The following LRRC37A variants were observed in gnomAD, a reference collection of about 807,000 sequenced individuals.
The protein encoded by LRRC37A is leucine-rich repeat-containing protein 37A.
In LRRC37A, 3 loss-of-function variants were observed where a neutral mutation model predicts 35.4. The ratio of observed to expected loss-of-function variants is 0.08; its 90% CI spans 0.04 to 0.22. The LOEUF (loss-of-function observed/expected upper bound fraction) is 0.22, where lower values mean the gene tolerates loss of function less well. Among genes scored for constraint, LRRC37A ranks in the 10% least tolerant of loss-of-function variants. The pLI, the probability that LRRC37A is intolerant of heterozygous loss-of-function variation, is 1.00. For synonymous variants in LRRC37A, 23 were observed against 215.0 expected, an observed-to-expected ratio of 0.11 and a Z score of 7.81; for missense variants, 67 against 565.3, an observed-to-expected ratio of 0.12 and a Z score of 8.94.
the LRRC37A span, among the ~76,000 whole-genome samples, chr17:46,273,597 A>ACT: frequency 1.3e-5 from 2 of 152,260 alleles, no homozygotes; most frequent in Non-Finnish European, 2.9e-5. Context: ...CCAGAAGTTG[A>ACT]TAGGACAAAG....
At chr17:46,289,979 T>TGCG (rs1386064851), upstream of LRRC37A, among the ~76,000 whole-genome samples, 1 of 152,142 alleles carries the variant, frequency 6.6e-6, no homozygotes, top group African/African-American at 2.4e-5. Flanking sequence ...ATGAGCCAGG[T>TGCG]GTGGTGGCGC....
the LRRC37A span, chr17:46,260,618 C>CAAT: frequency 8.5e-7 from 1 of 1,181,918 alleles, no homozygotes; most frequent in Non-Finnish European, 1.1e-6. Flanking sequence ...GCTCTCTATT[C>CAAT]TCTTTTTTTT....
intron 3 of LRRC37A, among the ~76,000 whole-genome samples, chr17:46,305,007 T>C (rs2050479735): frequency 1.2e-5 from 1 of 84,428 alleles, no homozygotes; most frequent in Non-Finnish European, 3.0e-5. Flanking sequence ...CAGCTAGGAC[T>C]ACAGGCACGT....
the LRRC37A span, among the ~76,000 whole-genome samples, chr17:46,282,456 C>T: frequency 2.6e-5 from 4 of 151,300 alleles, no homozygotes; most frequent in Admixed American, 2.6e-4. Flanking sequence ...GCTGTGTCAC[C>T]CAGGCTGGGG....
At chr17:46,255,994 G>GTTGAAGCC in the LRRC37A span, among the ~76,000 whole-genome samples, 3 of 152,160 alleles carry the variant, frequency 2.0e-5, no homozygotes, top group African/African-American at 7.2e-5. Context: ...AAATTCTTAT[G>GTTGAAGCC]TTGAAGCCCT....
At chr17:46,257,212 C>T in the LRRC37A span, among the ~76,000 whole-genome samples, 2 of 150,754 alleles carry the variant, frequency 1.3e-5, no homozygotes, top group Non-Finnish European at 3.0e-5. Flanking sequence ...TTTGGGAGGC[C>T]GAGGAGGGTG....
the LRRC37A span, among the ~76,000 whole-genome samples, chr17:46,275,882 G>A: frequency 1.3e-5 from 2 of 151,474 alleles, no homozygotes; most frequent in African/African-American, 2.4e-5. Flanking sequence ...GTTTCACACA[G>A]TTTTATTCAC....
At chr17:46,276,704 A>T in the LRRC37A span, among the ~76,000 whole-genome samples, 1 of 152,144 alleles carries the variant, frequency 6.6e-6, no homozygotes, top group Admixed American at 6.5e-5. Context: ...TCTACCTTAA[A>T]TCTGGAAAGC....
the LRRC37A span, among the ~76,000 whole-genome samples, chr17:46,266,564 A>G: frequency 0.14 from 22,039 of 152,042 alleles, 2,133 homozygotes; most frequent in Non-Finnish European, 0.22. Flanking sequence ...AAGGGGTTAG[A>G]GGAGAGAAAG....
chr17:46,249,778 C>A, the LRRC37A span, among the ~76,000 whole-genome samples: 1 of 152,190 alleles, frequency 6.6e-6, no homozygotes, highest in Non-Finnish European at 1.5e-5. Context: ...ACTGTCAGAG[C>A]CAGATGGCTG....
the LRRC37A span, among the ~76,000 whole-genome samples, chr17:46,255,455 T>C: frequency 6.9e-6 from 1 of 144,090 alleles, no homozygotes; most frequent in African/African-American, 2.6e-5. Context: ...AACCTCCACC[T>C]TTCAGGTTCA....
the LRRC37A span, among the ~76,000 whole-genome samples, chr17:46,279,942 C>T: frequency 6.6e-6 from 1 of 152,238 alleles, no homozygotes; most frequent in Non-Finnish European, 1.5e-5. Flanking sequence ...TCTTGCCCTA[C>T]TGACCCTCTG....
chr17:46,265,249 CTTCTT>C, the LRRC37A span, among the ~76,000 whole-genome samples: 1 of 1,034 alleles, frequency 9.7e-4, no homozygotes, highest in African/African-American at 2.9e-3. Context: ...AATTTCCTTT[CTTCTT>C]CTTCTTCTTC....
the LRRC37A span, among the ~76,000 whole-genome samples, chr17:46,257,486 A>G: frequency 4.1e-5 from 6 of 148,052 alleles, no homozygotes; most frequent in Non-Finnish European, 9.0e-5. Context: ...AACACTTTGA[A>G]CAAAAAAGAA....
chr17:46,312,592 G>A (rs1056820242), intron 5 of LRRC37A, among the ~76,000 whole-genome samples: 2 of 72,970 alleles, frequency 2.7e-5, no homozygotes. Context: ...ACAGGCTTGA[G>A]ATGCTGTGCC....
At chr17:46,289,363 G>A (rs2050005372), upstream of LRRC37A, among the ~76,000 whole-genome samples, 1 of 152,014 alleles carries the variant, frequency 6.6e-6, no homozygotes, top group South Asian at 2.1e-4. Context: ...TTGTAGAGAT[G>A]GAGTCTTGCT....
chr17:46,292,308 G>C (rs553026056), upstream of LRRC37A, among the ~76,000 whole-genome samples: 1 of 75,716 alleles, frequency 1.3e-5, no homozygotes, highest in East Asian at 2.5e-4. Context: ...TTCCAGCCTG[G>C]GTGACAGAGC....
At chr17:46,281,704 T>C in the LRRC37A span, among the ~76,000 whole-genome samples, 1 of 151,886 alleles carries the variant, frequency 6.6e-6, no homozygotes, top group Non-Finnish European at 1.5e-5. Flanking sequence ...AGTGCAGTGG[T>C]GTGATCTTGG....
chr17:46,267,400 G>A, the LRRC37A span: 1 of 1,608,478 alleles, frequency 6.2e-7, no homozygotes, highest in Non-Finnish European at 8.5e-7. Flanking sequence ...GGATCGGGAC[G>A]GGCTGTACAA....
Sources: allele counts gnomAD v4.1 joint callset (sites outside exome capture counted in the v4.1 genomes callset), GRCh38; gene constraint gnomAD v4.1.1; transcripts MANE v1.5; gene names NCBI Gene and HGNC (gene_info 2026-07-23, HGNC 2026-07-21).